The following BRAF variants were observed in gnomAD, a reference collection of about 807,000 sequenced individuals.
The protein encoded by BRAF is serine/threonine-protein kinase B-raf.
BRAF carries 16 observed loss-of-function variants against 104.6 expected under a neutral mutation model. That is an observed-to-expected ratio of 0.15 (90% CI 0.10 to 0.23). The LOEUF (loss-of-function observed/expected upper bound fraction) is 0.23, where lower values mean the gene tolerates loss of function less well. Ranked by LOEUF, BRAF falls within the 10% of genes least tolerant of loss-of-function variation. BRAF has a pLI of 1.00. For missense variants in BRAF, 541 were observed against 937.3 expected (o/e 0.58, Z 5.52); for synonymous variants, 310 against 341.6 (o/e 0.91, Z 1.02).
intron 2 of BRAF, chr7:140,836,349 C>T (rs952179081): frequency 1.3e-5 from 2 of 151,882 alleles, no homozygotes; most frequent in African/African-American, 4.8e-5. Context: ...AGAGTATATA[C>T]GCCATGCTAT....
intron 1 of BRAF, among the ~76,000 whole-genome samples, chr7:140,863,288 A>G (rs1319041293): frequency 2.6e-5 from 4 of 152,214 alleles, no homozygotes; most frequent in Admixed American, 6.5e-5. Context: ...AGTAAAAGGA[A>G]ATACACCCCA....
rs1157866291 is a variant in BRAF, at chr7:140,725,814, A to G, written c.*680T>C. On this transcript the variant is annotated 3_prime_UTR_variant, in exon 20 of 20. Coordinates refer to ENST00000644969, the MANE Select transcript of BRAF (RefSeq NM_001374258.1). ...AGACAGACCCCTCAGTGAGCAAGGA[A>G]ACAAAAGGCCAGAGACCCCGGAGGT... The G allele has an allele frequency of 1.9e-6, 2 of 1,063,154 alleles. No homozygotes were observed. The highest frequency in any genetic ancestry group is 2.3e-6 in the Non-Finnish European group (2 of 878,048). The allele number at this position is 1,063,154 out of a possible 1,614,324, so 65.9% of individuals were successfully genotyped here.
At chr7:140,922,555 T>C (rs964942) in intron 1 of BRAF, among the ~76,000 whole-genome samples, 45,651 of 152,096 alleles carry the variant, frequency 0.3, 10,940 homozygotes, top group African/African-American at 0.67. Context: ...AACCCCTACT[T>C]ATTACTTCAC....
rs1049573489 is a variant in BRAF at position 140,725,973 on chromosome 7, C to A, written c.*521G>T. 7.7e-5 allele frequency: 82 copies of A among 1,066,442 alleles called. No individual in the cohort carries two copies. The highest frequency in any genetic ancestry group is 9.1e-5 in the Non-Finnish European group (80 of 880,392). The allele number at this position is 1,066,442 out of a possible 1,614,324, so 66.1% of individuals were successfully genotyped here. A position where few individuals can be genotyped will look rare whatever the true frequency, so the allele number is the denominator to read the frequency against. On this transcript the variant is annotated 3_prime_UTR_variant, in exon 20 of 20. Transcript: ENST00000644969. ...CTGAACACGCACCACATAGAAAGGG[C>A]AAGCTGCATTTTTGTTCCATCCCTC...
chr7:140,873,618 C>T (rs1020784953), intron 1 of BRAF, among the ~76,000 whole-genome samples: 1 of 152,140 alleles, frequency 6.6e-6, no homozygotes, highest in South Asian at 2.1e-4. Context: ...TAAGTGATAA[C>T]CTCCACTGCA....
intron 7 of BRAF, chr7:140,800,079 G>A (rs777272094): frequency 2.2e-6 from 1 of 458,056 alleles, no homozygotes; most frequent in Non-Finnish European, 4.0e-6. Context: ...TTAACCAGGA[G>A]ATCCAAAAGA....
chr7:140,783,852 G>C (rs1801110120), intron 10 of BRAF, among the ~76,000 whole-genome samples: 1 of 152,234 alleles, frequency 6.6e-6, no homozygotes, highest in Non-Finnish European at 1.5e-5. Context: ...CTTTGTAAGT[G>C]AGAGCTTTGT....
At chr7:140,899,560 A>G (rs1815364225) in intron 1 of BRAF, among the ~76,000 whole-genome samples, 1 of 151,938 alleles carries the variant, frequency 6.6e-6, no homozygotes, top group Non-Finnish European at 1.5e-5. Context: ...ATGGTCTCTC[A>G]TTGTGGTTTT....
chr7:140,914,897 G>A (rs1414520699), intron 1 of BRAF, among the ~76,000 whole-genome samples: 29 of 146,150 alleles, frequency 2.0e-4, no homozygotes, highest in African/African-American at 6.0e-4. Flanking sequence ...AAAATTAGCC[G>A]GGCATGGTGG....
chr7:140,917,667 C>T (rs1409038218), intron 1 of BRAF, among the ~76,000 whole-genome samples: 3 of 152,202 alleles, frequency 2.0e-5, no homozygotes, highest in Non-Finnish European at 2.9e-5. Flanking sequence ...CTCTAACCTA[C>T]ATCTTACTTT....
chr7:140,723,572 T>C lies in BRAF; in HGVS notation c.*2922A>G, dbSNP rs1307935018. On this transcript the variant is annotated 3_prime_UTR_variant, in exon 20 of 20. Transcript: ENST00000644969. ...CAAATCCCTTTTATAAACTATTTTTTTGGTCAATATTATTTCAGTGGCAAA... is the reference window on the plus strand; with the variant it reads ...CAAATCCCTTTTATAAACTATTTTTCTGGTCAATATTATTTCAGTGGCAAA... The C allele has an allele frequency of 3.8e-6, 4 of 1,048,314 alleles. No homozygotes were observed. In the African/African-American group the frequency reaches 6.7e-5, roughly 17 times the overall value. 64.9% of individuals were successfully genotyped at this position (1,048,314 alleles called of 1,614,324 possible).
chr7:140,871,639 TGAG>T (rs1323891592), intron 1 of BRAF, among the ~76,000 whole-genome samples: 28 of 152,156 alleles, frequency 1.8e-4, no homozygotes, highest in Non-Finnish European at 1.5e-5. Context: ...TGCAATTGAA[TGAG>T]GAGATGAACT....
intron 19 of BRAF, chr7:140,731,467 A>C (rs949042179): frequency 2.6e-5 from 4 of 152,236 alleles, no homozygotes; most frequent in African/African-American, 9.6e-5. Flanking sequence ...ATAAGACTAT[A>C]ACTGATAAAA....
intron 7 of BRAF, among the ~76,000 whole-genome samples, chr7:140,796,845 C>T (rs147011977): frequency 4.3e-4 from 66 of 152,196 alleles, no homozygotes; most frequent in African/African-American, 1.5e-3. Flanking sequence ...AAATCTCTTA[C>T]AAAAGAAGAG....
intron 1 of BRAF, among the ~76,000 whole-genome samples, chr7:140,917,182 T>A (rs1379303710): frequency 6.6e-6 from 1 of 152,228 alleles, no homozygotes; most frequent in Non-Finnish European, 1.5e-5. Flanking sequence ...TGCCTCAGCC[T>A]CCCAGGTAGC....
intron 18 of BRAF, among the ~76,000 whole-genome samples, chr7:140,735,605 G>A (rs1796340043): frequency 1.3e-5 from 2 of 150,100 alleles, no homozygotes; most frequent in African/African-American, 4.9e-5. Context: ...CAACCAGGCT[G>A]GAGTGCAGTG....
intron 3 of BRAF, 140 bp downstream of exon 3, chr7:140,834,469 T>C: frequency 1.7e-6 from 2 of 1,171,098 alleles, no homozygotes; most frequent in Admixed American, 2.1e-5. Flanking sequence ...AATAATTACA[T>C]ATTTTTCATT....
intron 10 of BRAF, chr7:140,783,400 T>G: frequency 2.5e-6 from 1 of 394,150 alleles, no homozygotes; most frequent in Non-Finnish European, 4.5e-6. Flanking sequence ...AGACACATAC[T>G]TTATTTACTG....
chr7:140,781,735 A>G, intron 11 of BRAF, 42 bp from the exon 11 acceptor site: 3 of 1,514,778 alleles, frequency 2.0e-6, no homozygotes, highest in Non-Finnish European at 2.8e-6. Flanking sequence ...GCCAAACAGA[A>G]AAAGAAAACC....
Sources: allele counts gnomAD v4.1 joint callset (sites outside exome capture counted in the v4.1 genomes callset), GRCh38; gene constraint gnomAD v4.1.1; transcripts MANE v1.5; gene names NCBI Gene and HGNC (gene_info 2026-07-23, HGNC 2026-07-21).